PTPRU: variants seen among roughly 807,000 people sequenced by gnomAD.
The protein encoded by PTPRU is receptor-type tyrosine-protein phosphatase U.
PTPRU carries 69 observed loss-of-function variants against 166.3 expected under a neutral mutation model. That is an observed-to-expected ratio of 0.41 (90% CI 0.34 to 0.51). The LOEUF is 0.51. Ranked by LOEUF, PTPRU falls within the 20% of genes least tolerant of loss-of-function variation. The pLI, the probability that PTPRU is intolerant of heterozygous loss-of-function variation, is 0.09. For synonymous variants in PTPRU, 793 were observed against 814.0 expected (o/e 0.97, Z 0.44); for missense variants, 1,657 against 2,013.7 (o/e 0.82, Z 3.39).
Position 29,311,867 on chromosome 1 carries a change from GC to G in PTPRU, c.3072+111del. 1 of 1,077,572 alleles carries G rather than the reference GC, an allele frequency of 9.3e-7. No homozygotes were observed. The highest frequency in any genetic ancestry group is 1.5e-5 in the South Asian group (1 of 67,690). 66.8% of individuals were successfully genotyped at this position (1,077,572 alleles called of 1,614,324 possible). A position where few individuals can be genotyped will look rare whatever the true frequency, so the allele number is the denominator to read the frequency against. ...GCAGGAGGGTGAGGAGCGCACCACT[GC>G]CCATCCCAGCAAGGAAGCTACTTGG... On this transcript the variant is annotated intron_variant, in intron 21 of 29. Transcript: ENST00000373779. The surrounding 1 kb of genome is among the most constrained non-coding windows in gnomAD (Gnocchi z 4.1).
intron 14 of PTPRU, among the ~76,000 whole-genome samples, chr1:29,287,069 C>G (rs1231108848): frequency 6.6e-6 from 1 of 152,106 alleles, no homozygotes; most frequent in Non-Finnish European, 1.5e-5. Context: ...GCCAACATAA[C>G]TAACAAGAGT....
chr1:29,266,170 A>G (rs528900646), intron 7 of PTPRU, among the ~76,000 whole-genome samples: 2 of 151,544 alleles, frequency 1.3e-5, no homozygotes, highest in East Asian at 3.9e-4. Context: ...ACAGGCATAT[A>G]CCACCATGCC....
intron 7 of PTPRU, among the ~76,000 whole-genome samples, chr1:29,270,451 C>T (rs748282770): frequency 6.6e-6 from 1 of 152,036 alleles, no homozygotes; most frequent in African/African-American, 2.4e-5. Flanking sequence ...GGACTACAGG[C>T]GCGCACCACC....
Position 29,325,643 on chromosome 1 carries a change from G to A in PTPRU, c.4293G>A (p.Glu1431=), listed in dbSNP as rs1688380155. 1 of 1,610,660 alleles carries A rather than the reference G, an allele frequency of 6.2e-7. No individual in the cohort carries two copies. Among genetic ancestry groups the A allele is most frequent in the Non-Finnish European group, 8.5e-7 (1 of 1,178,080 alleles). ...FCYDVALEYL[E]GLESR ...ACGATGTGGCCCTGGAGTACTTGGA[G>A]GGGCTGGAGTCAAGATAGCGGGGCC... The change falls in exon 30 of 30, where the codon GAG becomes GAA. Residue 1431 remains glutamate, a synonymous_variant. Transcript: ENST00000373779.
In PTPRU at chr1:29,307,122, C is replaced by A. The variant is rs746428767; in HGVS notation, c.2820+1694C>A. 52 of 1,613,310 alleles carry A rather than the reference C, an allele frequency of 3.2e-5. No homozygotes were observed. The East Asian group carries it at 1.1e-3, about 35-fold the overall frequency. ...CTTTGTACTGTTTCCTCACTGGAAT[C>A]ATTAAGATTCGGATAAACCGAGAAG... is the stretch of plus-strand genomic sequence containing the variant. On this transcript the variant is annotated intron_variant, in intron 18 of 29. Coordinates refer to ENST00000373779, the MANE Select transcript of PTPRU (RefSeq NM_133178.4).
chr1:29,284,998 G>A (rs542620247), intron 14 of PTPRU, 129 bp downstream of exon 14: 1,160 of 1,258,698 alleles, frequency 9.2e-4, no homozygotes, highest in Admixed American at 1.7e-3. Context: ...GCCAGCCTGG[G>A]CATCGCCTCT....
chr1:29,266,676 T>TA (rs1276796193), intron 7 of PTPRU, among the ~76,000 whole-genome samples: 5 of 152,208 alleles, frequency 3.3e-5, no homozygotes, highest in Non-Finnish European at 5.9e-5. Flanking sequence ...TTTGAAGATT[T>TA]ATTCAACGAA....
rs114509909 is a variant in PTPRU, at chr1:29,291,534, A to G, written c.2319-335A>G. Among the ~76,000 whole-genome samples the G allele has an allele frequency of 6.6e-6, 1 of 152,106 alleles. No homozygotes were observed. Among genetic ancestry groups the G allele is most frequent in the African/African-American group, 2.4e-5 (1 of 41,502 alleles). On this transcript the variant is annotated intron_variant, in intron 14 of 29. Transcript: ENST00000373779. This position sits in a 1 kb window ranked among gnomAD's most constrained non-coding sequence, Gnocchi z 4.1. ...GAGGGGGCTGTCTGCTGTGACACCA[A>G]ATTAGCCCTGGAGTGACTTTCTTTC...
intron 14 of PTPRU, 147 bp downstream of exon 14, chr1:29,285,016 G>C: frequency 8.8e-7 from 1 of 1,138,398 alleles, no homozygotes; most frequent in Non-Finnish European, 1.2e-6. Flanking sequence ...TCTACAGATG[G>C]ATCTGAGCTG....
chr1:29,323,415 C>A lies in PTPRU; in HGVS notation c.3873C>A (p.Gly1291=). Residue 1291 remains glycine (G), a synonymous_variant, in exon 27 of 30, where the codon GGC becomes GGA. Transcript: ENST00000373779. Reference sequence around the variant, plus strand: ...CAGAGCCAGGCCGGCAGCAATATGGCCTCATGGAGGTGGAGTTTATGTCGG... The same window carrying A: ...CAGAGCCAGGCCGGCAGCAATATGGACTCATGGAGGTGGAGTTTATGTCGG... ...YWPEPGRQQY[G]LMEVEFMSGT... The A allele has an allele frequency of 6.2e-7, 1 of 1,609,938 alleles. No homozygotes were observed. Among genetic ancestry groups the A allele is most frequent in the Middle Eastern group, 1.7e-4 (1 of 6,052 alleles).
intron 8 of PTPRU, among the ~76,000 whole-genome samples, chr1:29,276,875 T>G (rs1195039383): frequency 9.9e-5 from 15 of 152,220 alleles, no homozygotes. Flanking sequence ...CTTAGATCAT[T>G]AATACTGAGC....
At chr1:29,322,876 C>A (rs1395349499) in intron 26 of PTPRU, among the ~76,000 whole-genome samples, 1 of 151,938 alleles carries the variant, frequency 6.6e-6, no homozygotes. Flanking sequence ...GTATTTAGGA[C>A]CCTGACTCCA....
At chr1:29,245,535 C>T (rs986156184) in intron 1 of PTPRU, among the ~76,000 whole-genome samples, 3 of 152,182 alleles carry the variant, frequency 2.0e-5, no homozygotes, top group African/African-American at 7.2e-5. Flanking sequence ...TGGGTCCAGC[C>T]TCCTTGCACA....
intron 7 of PTPRU, among the ~76,000 whole-genome samples, chr1:29,272,177 T>TA (rs1226426845): frequency 2.6e-5 from 4 of 151,986 alleles, no homozygotes; most frequent in African/African-American, 9.7e-5. Flanking sequence ...AAAACTACAT[T>TA]AAAAAAATTA....
intron 7 of PTPRU, among the ~76,000 whole-genome samples, chr1:29,263,124 A>G (rs556065690): frequency 2.0e-5 from 3 of 152,302 alleles, no homozygotes; most frequent in Admixed American, 6.5e-5. Flanking sequence ...AGCTGAGACT[A>G]CAGGCACCCA....
rs1326652194 is a variant in PTPRU at position 29,261,293 on chromosome 1, A to G, written c.1144+390A>G. On this transcript the variant is annotated intron_variant, in intron 7 of 29. Coordinates refer to ENST00000373779, the MANE Select transcript of PTPRU (RefSeq NM_133178.4). ...GCTGACTCCAGAATCTGTGTTCTTA[A>G]TTCTACATCTAGATAAAATAAGCAA... is the stretch of plus-strand genomic sequence containing the variant. 2.0e-5 allele frequency among the ~76,000 whole-genome samples: 3 copies of G among 152,166 alleles called. No homozygotes were observed. In the East Asian group the frequency reaches 5.8e-4, roughly 29 times the overall value.
chr1:29,274,793 G>A (rs1685720617), intron 7 of PTPRU, among the ~76,000 whole-genome samples: 1 of 152,154 alleles, frequency 6.6e-6, no homozygotes, highest in African/African-American at 2.4e-5. Flanking sequence ...GCTCACACCT[G>A]TAACCCAAGC....
intron 11 of PTPRU, among the ~76,000 whole-genome samples, chr1:29,281,117 T>G (rs1445784145): frequency 6.6e-6 from 1 of 151,262 alleles, no homozygotes; most frequent in Non-Finnish European, 1.5e-5. Flanking sequence ...AGCCTTTAGG[T>G]GGGGGGGGTG....
chr1:29,262,216 C>T (rs1685098220), intron 7 of PTPRU, among the ~76,000 whole-genome samples: 1 of 152,300 alleles, frequency 6.6e-6, no homozygotes, highest in South Asian at 2.1e-4. Flanking sequence ...ACTGATCTGT[C>T]CTTTCTAAAA....
Sources: allele counts gnomAD v4.1 joint callset (sites outside exome capture counted in the v4.1 genomes callset), GRCh38; gene constraint gnomAD v4.1.1; non-coding constraint Gnocchi (gnomAD v3.1); transcripts MANE v1.5; gene names NCBI Gene and HGNC (gene_info 2026-07-23, HGNC 2026-07-21).